Variants in BBS5 observed in about 807,000 individuals in gnomAD.
BBS5 encodes Bardet-Biedl syndrome 5, also known as BBSome complex member BBS5.
Under a neutral mutation model 50.2 loss-of-function variants are expected in BBS5, and 39 were observed. That is an observed-to-expected ratio of 0.78 (90% CI 0.60 to 1.01). The LOEUF is 1.01. Ranked by LOEUF, BBS5 falls within the 50% of genes least tolerant of loss-of-function variation. The pLI, the probability that BBS5 is intolerant of heterozygous loss-of-function variation, is 0.00. For synonymous variants in BBS5, 134 were observed against 133.1 expected (o/e 1.01, Z -0.05); for missense variants, 356 against 401.5 (o/e 0.89, Z 0.97).
intron 7 of BBS5, among the ~76,000 whole-genome samples, chr2:169,496,193 A>T (rs1213811602): frequency 6.6e-6 from 1 of 152,166 alleles, no homozygotes; most frequent in East Asian, 1.9e-4. Context: ...CCCTGCCAGC[A>T]GGTACATTTT....
At chr2:169,487,751 T>C in intron 3 of BBS5, 55 bp from the exon 4 acceptor site, 4 of 1,325,772 alleles carry the variant, frequency 3.0e-6, no homozygotes, top group Non-Finnish European at 4.3e-6. Flanking sequence ...TAGAAAAGTA[T>C]TTTTTCTCAG....
intron 1 of BBS5, among the ~76,000 whole-genome samples, chr2:169,481,450 A>C (rs2105291335): frequency 6.6e-6 from 1 of 152,352 alleles, no homozygotes; most frequent in South Asian, 2.1e-4. Flanking sequence ...TAGATAAATT[A>C]GCCAGATTGT....
chr2:169,489,794 C>T (rs138922890), intron 5 of BBS5, among the ~76,000 whole-genome samples: 124 of 146,854 alleles, frequency 8.4e-4, no homozygotes, highest in African/African-American at 3.1e-3. Context: ...TTGTATTTAC[C>T]AGTGAGGTTG....
chr2:169,482,446 A>G, intron 2 of BBS5, 113 bp downstream of exon 2: 1 of 803,308 alleles, frequency 1.2e-6, no homozygotes, highest in Non-Finnish European at 2.2e-6. Flanking sequence ...TTGTGAGAAT[A>G]GGAGAGTTAA....
Position 169,504,545 on chromosome 2 carries a change from G to T in BBS5, c.989G>T (p.Gly330Val). The T allele has an allele frequency of 6.2e-7, 1 of 1,613,958 alleles. No individual in the cohort carries two copies. Among genetic ancestry groups the T allele is most frequent in the East Asian group, 2.2e-5 (1 of 44,876 alleles). Residue 330 changes from glycine (G) to valine (V), a missense_variant, in exon 12 of 12, where the codon GGA becomes GTA. Gly to Val is a moderately radical substitution (Grantham distance 109). Coordinates refer to ENST00000295240, the MANE Select transcript of BBS5 (RefSeq NM_152384.3). ...LGLAIEKLKD[G>V]FTLQGLWEVM... is the part of the protein sequence containing the mutation. ...CTTGCAATAGAGAAATTGAAGGATGGATTCACCCTACAGGGACTTTGGGAA... is the reference window on the plus strand; with the variant it reads ...CTTGCAATAGAGAAATTGAAGGATGTATTCACCCTACAGGGACTTTGGGAA...
chr2:169,503,225 C>A, intron 10 of BBS5, 47 bp downstream of exon 10: 1 of 1,443,724 alleles, frequency 6.9e-7, no homozygotes, highest in Non-Finnish European at 9.7e-7. Context: ...GATTTTATCT[C>A]AGTCTTGTTT....
rs1412230313 is a variant in BBS5, at chr2:169,505,359, C to T, written c.*777C>T. The T allele has an allele frequency of 8.4e-6, 3 of 357,720 alleles. No individual in the cohort carries two copies. Among genetic ancestry groups the T allele is most frequent in the Non-Finnish European group, 1.6e-5 (3 of 186,584 alleles). 22.2% of individuals were successfully genotyped at this position (357,720 alleles called of 1,614,324 possible). A position where few individuals can be genotyped will look rare whatever the true frequency, so the allele number is the denominator to read the frequency against. On this transcript the variant is annotated 3_prime_UTR_variant, in exon 12 of 12. Transcript: ENST00000295240. ...GCCTCCCGAAGTGCCAAGAGTGCAGCCTCTGCCCGGCCGCCACCCCGTCTG... is the reference window on the plus strand; with the variant it reads ...GCCTCCCGAAGTGCCAAGAGTGCAGTCTCTGCCCGGCCGCCACCCCGTCTG...
intron 5 of BBS5, among the ~76,000 whole-genome samples, chr2:169,489,776 T>G (rs1210129332): frequency 1.3e-5 from 2 of 151,344 alleles, no homozygotes; most frequent in Non-Finnish European, 2.9e-5. Context: ...TGTATATAAT[T>G]GTTTAACTTG....
intron 5 of BBS5, among the ~76,000 whole-genome samples, chr2:169,491,046 A>G (rs1264891867): frequency 6.6e-6 from 1 of 152,124 alleles, no homozygotes; most frequent in Non-Finnish European, 1.5e-5. Context: ...GGCATACCAC[A>G]TTTTGTTTAT....
intron 2 of BBS5, among the ~76,000 whole-genome samples, chr2:169,483,004 G>T (rs1683427442): frequency 6.6e-6 from 1 of 152,186 alleles, no homozygotes; most frequent in Admixed American, 6.5e-5. Flanking sequence ...AATAGATGTG[G>T]AATGACAGCT....
At chr2:169,488,224 T>TG in intron 5 of BBS5, 110 bp downstream of exon 5, 1 of 1,051,268 alleles carries the variant, frequency 9.5e-7, no homozygotes, top group Non-Finnish European at 1.4e-6. Flanking sequence ...TGGAAGACAG[T>TG]TTTTCCACGA....
chr2:169,505,160 T>A lies in BBS5; in HGVS notation c.*578T>A. On this transcript the variant is annotated 3_prime_UTR_variant, in exon 12 of 12. Transcript: ENST00000295240. ...TTGGTGGAGACGGGGTTTCGCTGTG[T>A]TGGCCGGGCTGGTCTCCAGCTCCTA... The A allele has an allele frequency of 4.8e-6, 3 of 627,394 alleles. No individual in the cohort carries two copies. Among genetic ancestry groups the A allele is most frequent in the Non-Finnish European group, 8.5e-6 (3 of 353,606 alleles). 38.9% of individuals were successfully genotyped at this position (627,394 alleles called of 1,614,324 possible). A position where few individuals can be genotyped will look rare whatever the true frequency, so the allele number is the denominator to read the frequency against.
At chr2:169,499,880 G>A (rs1441346631) in intron 9 of BBS5, among the ~76,000 whole-genome samples, 3 of 152,170 alleles carry the variant, frequency 2.0e-5, no homozygotes, top group Non-Finnish European at 4.4e-5. Flanking sequence ...AAATTTCCAT[G>A]TGCAGTGCTC....
chr2:169,481,546 A>T (rs1041966373), intron 1 of BBS5, among the ~76,000 whole-genome samples: 23 of 152,244 alleles, frequency 1.5e-4, no homozygotes, highest in African/African-American at 5.3e-4. Flanking sequence ...TGATATGGTC[A>T]TATCTGTATT....
chr2:169,503,206 TTTC>T, intron 10 of BBS5, 28 bp downstream of exon 10: 1 of 1,543,028 alleles, frequency 6.5e-7, no homozygotes, highest in Non-Finnish European at 8.9e-7. Flanking sequence ...CAGCATTAAA[TTTC>T]TTAAGGATTT....
At chr2:169,488,955 GT>G (rs1345872955) in intron 5 of BBS5, among the ~76,000 whole-genome samples, 2 of 152,038 alleles carry the variant, frequency 1.3e-5, no homozygotes, top group African/African-American at 4.8e-5. Flanking sequence ...AGTTTTATTG[GT>G]GTTTTGGTTT....
intron 2 of BBS5, chr2:169,482,599 G>T: frequency 2.3e-6 from 1 of 427,798 alleles, no homozygotes. Flanking sequence ...TTTGCAAGGG[G>T]CATTAGTTCT....
At chr2:169,480,122 G>A (rs1337228366) in intron 1 of BBS5, among the ~76,000 whole-genome samples, 1 of 151,970 alleles carries the variant, frequency 6.6e-6, no homozygotes, top group African/African-American at 2.4e-5. Context: ...TAAGGCAGTC[G>A]TCAAAAATTA....
chr2:169,505,614 C>G lies in BBS5; in HGVS notation c.*1032C>G. 1 of 255,184 alleles carries G rather than the reference C, an allele frequency of 3.9e-6. No individual in the cohort carries two copies. The highest frequency in any genetic ancestry group is 3.7e-5 in the South Asian group (1 of 27,212). 15.8% of individuals were successfully genotyped at this position (255,184 alleles called of 1,614,324 possible). ...GAGCACCTCTGCCCGGCCGCGACCC[C>G]ATTTGGGAGGTGAGGAGCAACTCTG... On this transcript the variant is annotated 3_prime_UTR_variant, in exon 12 of 12. Transcript: ENST00000295240.
Sources: gnomAD v4.1 joint callset for allele counts (sites outside exome capture counted in the v4.1 genomes callset) on GRCh38, gnomAD v4.1.1 for gene constraint, MANE v1.5 for transcripts, NCBI Gene and HGNC (gene_info 2026-07-23, HGNC 2026-07-21) for gene names.